CDH12: variants seen among roughly 807,000 people sequenced by gnomAD.
The protein encoded by CDH12 is cadherin 12, also known as cadherin-12.
CDH12 carries 41 observed loss-of-function variants against 74.1 expected under a neutral mutation model. The observed-to-expected ratio is 0.55, with a 90% CI of 0.43 to 0.72. CDH12 has a LOEUF of 0.72. CDH12 is among the 30% of genes least tolerant of loss of function. The pLI is 0.00. For missense variants in CDH12, 945 were observed against 977.2 expected, an observed-to-expected ratio of 0.97 and a Z score of 0.44; for synonymous variants, 399 against 355.0, an observed-to-expected ratio of 1.12 and a Z score of -1.39.
intron 2 of CDH12, among the ~76,000 whole-genome samples, chr5:22,482,793 T>C (rs907287728): frequency 1.3e-5 from 2 of 152,200 alleles, no homozygotes; most frequent in African/African-American, 2.4e-5. Flanking sequence ...CTAATAAATA[T>C]GATTGTGTCG....
At chr5:22,198,245 A>T (rs2150352375) in intron 4 of CDH12, among the ~76,000 whole-genome samples, 1 of 152,080 alleles carries the variant, frequency 6.6e-6, no homozygotes, top group African/African-American at 2.4e-5. Flanking sequence ...CACCCCAAAA[A>T]CGTACTGATA....
At chr5:21,758,477 T>C (rs150772424) in intron 13 of CDH12, among the ~76,000 whole-genome samples, 2 of 152,290 alleles carry the variant, frequency 1.3e-5, no homozygotes, top group African/African-American at 4.8e-5. Context: ...TGTTCACTTG[T>C]TCTATATGCA....
chr5:22,240,900 C>T (rs756003369), intron 3 of CDH12, among the ~76,000 whole-genome samples: 1 of 151,412 alleles, frequency 6.6e-6, no homozygotes, highest in African/African-American at 2.4e-5. Flanking sequence ...TTATAATTAA[C>T]ATAGAAGAAA....
chr5:22,428,756 G>A (rs779097327), intron 2 of CDH12, among the ~76,000 whole-genome samples: 14 of 152,128 alleles, frequency 9.2e-5, no homozygotes, highest in South Asian at 2.1e-4. Context: ...TGGCCCAGTC[G>A]TCAATCTACC....
At chr5:21,969,343 C>T (rs1234563082) in intron 6 of CDH12, among the ~76,000 whole-genome samples, 1 of 152,040 alleles carries the variant, frequency 6.6e-6, no homozygotes, top group Admixed American at 6.6e-5. Context: ...GGTAGGTAGA[C>T]TGTAGGAGAG....
chr5:21,817,810 TA>T (rs1254640101), intron 8 of CDH12, among the ~76,000 whole-genome samples: 1 of 98,808 alleles, frequency 1.0e-5, no homozygotes, highest in East Asian at 2.4e-4. Flanking sequence ...AGTTTTTTAA[TA>T]GCATTAAGAA....
intron 3 of CDH12, among the ~76,000 whole-genome samples, chr5:22,319,998 G>A (rs1738801415): frequency 6.6e-6 from 1 of 152,080 alleles, no homozygotes; most frequent in African/African-American, 2.4e-5. Context: ...GAGCAGTAGG[G>A]GGATATCTGG....
chr5:22,014,361 A>G (rs1404865839), intron 5 of CDH12, among the ~76,000 whole-genome samples: 1 of 152,168 alleles, frequency 6.6e-6, no homozygotes, highest in Non-Finnish European at 1.5e-5. Context: ...CATTGAGTAC[A>G]TGTTCACTGA....
intron 3 of CDH12, among the ~76,000 whole-genome samples, chr5:22,232,868 T>C (rs185644095): frequency 6.8e-6 from 1 of 147,328 alleles, no homozygotes; most frequent in Admixed American, 6.8e-5. Context: ...TATATTTATA[T>C]ATATATTTTT....
intron 1 of CDH12, among the ~76,000 whole-genome samples, chr5:22,725,820 A>T (rs1319314359): frequency 1.3e-5 from 2 of 151,810 alleles, no homozygotes; most frequent in African/African-American, 4.8e-5. Context: ...AACACCAGAA[A>T]CTAAATTGAG....
chr5:22,838,161 C>T (rs148489942), intron 1 of CDH12, among the ~76,000 whole-genome samples: 1 of 152,264 alleles, frequency 6.6e-6, no homozygotes, highest in East Asian at 1.9e-4. Flanking sequence ...GACGGTCATG[C>T]TGAAAAACAG....
intron 3 of CDH12, among the ~76,000 whole-genome samples, chr5:22,340,959 A>G (rs1003372673): frequency 6.6e-6 from 1 of 152,216 alleles, no homozygotes; most frequent in African/African-American, 2.4e-5. Flanking sequence ...TTTGTAATAT[A>G]AATGACAGAT....
At chr5:22,611,136 T>C (rs186043913) in intron 1 of CDH12, among the ~76,000 whole-genome samples, 259 of 152,312 alleles carry the variant, frequency 1.7e-3, no homozygotes, top group African/African-American at 6.0e-3. Flanking sequence ...ATCCTAGATA[T>C]TTCTTGTATA....
At chr5:22,771,906 T>C (rs2126312466) in intron 1 of CDH12, among the ~76,000 whole-genome samples, 1 of 152,194 alleles carries the variant, frequency 6.6e-6, no homozygotes, top group East Asian at 1.9e-4. Flanking sequence ...CCTCTCTTTG[T>C]GTATATGATA....
Position 21,831,740 on chromosome 5 carries a change from C to T in CDH12, c.814+10421G>A, listed in dbSNP as rs956550655. On this transcript the variant is annotated intron_variant, in intron 8 of 14. Transcript: ENST00000382254. ...GGATTGTCAAAAGAGACAATTTTCT[C>T]GTATTTTTGCAGGAAGGCCAAAAGG... Among the ~76,000 whole-genome samples the T allele has an allele frequency of 3.9e-5, 6 of 151,942 alleles. No homozygotes were observed. The East Asian group carries it at 7.7e-4, about 20-fold the overall frequency.
chr5:22,745,974 C>T (rs1464759144), intron 1 of CDH12, among the ~76,000 whole-genome samples: 1 of 151,938 alleles, frequency 6.6e-6, no homozygotes, highest in Non-Finnish European at 1.5e-5. Flanking sequence ...CTACAACTAA[C>T]CTGTATTCTT....
At chr5:22,486,886 C>T (rs985802656) in intron 2 of CDH12, among the ~76,000 whole-genome samples, 1 of 152,162 alleles carries the variant, frequency 6.6e-6, no homozygotes, top group Non-Finnish European at 1.5e-5. Context: ...TTATCTCCAA[C>T]TTTCACATCT....
At chr5:22,492,213 T>C (rs981819685) in intron 2 of CDH12, among the ~76,000 whole-genome samples, 23 of 152,078 alleles carry the variant, frequency 1.5e-4, no homozygotes, top group African/African-American at 5.6e-4. Flanking sequence ...ATATAGGATG[T>C]GCAAAAGAGA....
intron 4 of CDH12, among the ~76,000 whole-genome samples, chr5:22,173,704 G>A (rs1265436748): frequency 3.3e-5 from 5 of 151,694 alleles, no homozygotes; most frequent in Non-Finnish European, 7.4e-5. Context: ...TACTAAAATT[G>A]TTACTCCTAC....
Sources: gnomAD v4.1 joint callset for allele counts (sites outside exome capture counted in the v4.1 genomes callset) on GRCh38, gnomAD v4.1.1 for gene constraint, MANE v1.5 for transcripts, NCBI Gene and HGNC (gene_info 2026-07-23, HGNC 2026-07-21) for gene names.